Variants in KHDRBS2 observed in about 807,000 individuals in gnomAD.
KHDRBS2 encodes KH domain-containing, RNA-binding, signal transduction-associated protein 2.
KHDRBS2 carries 26 observed loss-of-function variants against 44.3 expected under a neutral mutation model. That is an observed-to-expected ratio of 0.59 (90% CI 0.43 to 0.81). KHDRBS2 has a LOEUF of 0.81. Among genes scored for constraint, KHDRBS2 ranks in the 40% least tolerant of loss-of-function variants. The pLI is 0.00. For synonymous variants in KHDRBS2, 194 were observed against 151.1 expected, an observed-to-expected ratio of 1.28 and a Z score of -2.08; for missense variants, 476 against 433.1, an observed-to-expected ratio of 1.10 and a Z score of -0.88.
intron 6 of KHDRBS2, among the ~76,000 whole-genome samples, chr6:61,873,866 G>A (rs915531473): frequency 6.6e-6 from 1 of 151,900 alleles, no homozygotes; most frequent in African/African-American, 2.4e-5. Context: ...GAAAAGCAAG[G>A]TGAGAATTAA....
At chr6:61,747,274 A>G (rs1226557223) in intron 6 of KHDRBS2, among the ~76,000 whole-genome samples, 2 of 152,166 alleles carry the variant, frequency 1.3e-5, no homozygotes, top group African/African-American at 2.4e-5. Flanking sequence ...GAATCAGGAA[A>G]ACCAAAACAA....
At chr6:62,265,766 A>T (rs1464475591) in intron 1 of KHDRBS2, among the ~76,000 whole-genome samples, 3 of 152,034 alleles carry the variant, frequency 2.0e-5, no homozygotes, top group Non-Finnish European at 4.4e-5. Flanking sequence ...ATGGAAAGGC[A>T]GAACATGGCA....
At chr6:62,109,014 G>A (rs1236075343) in intron 2 of KHDRBS2, among the ~76,000 whole-genome samples, 1 of 151,752 alleles carries the variant, frequency 6.6e-6, no homozygotes, top group East Asian at 1.9e-4. Flanking sequence ...GAGTTAATGG[G>A]TGCAGCACAC....
chr6:61,628,136 A>G, the KHDRBS2 span, among the ~76,000 whole-genome samples: 1 of 149,552 alleles, frequency 6.7e-6, no homozygotes, highest in Non-Finnish European at 1.5e-5. Flanking sequence ...ATTGTCAGCC[A>G]TGCAGTCTAA....
chr6:61,719,182 A>G (rs1211985553), intron 7 of KHDRBS2, among the ~76,000 whole-genome samples: 1 of 152,156 alleles, frequency 6.6e-6, no homozygotes, highest in African/African-American at 2.4e-5. Context: ...CTACAGTTAA[A>G]ATTTTACATT....
intron 7 of KHDRBS2, among the ~76,000 whole-genome samples, chr6:61,702,080 T>C (rs2127546235): frequency 6.6e-6 from 1 of 151,942 alleles, no homozygotes; most frequent in East Asian, 1.9e-4. Flanking sequence ...AGATAATCAC[T>C]CACATGTGGA....
chr6:62,177,195 T>C lies in KHDRBS2; in HGVS notation c.209A>G (p.Gln70Arg). The change falls in exon 2 of 9, where the codon CAG (glutamine) becomes CGG (arginine). Residue 70 changes from glutamine to arginine, a missense_variant. Gln to Arg is a conservative substitution (Grantham distance 43). Transcript: ENST00000281156. ...TATATATGGTAGTACCTTTGGATAC[T>C]GCTTGACAGGAATCAGTACTCTTTC... is the stretch of plus-strand genomic sequence containing the variant. Reference protein sequence around the residue: ...LSERVLIPVKQYPKFNFVGKL... With the variant: ...LSERVLIPVKRYPKFNFVGKL... 1 of 1,574,076 alleles carries C rather than the reference T, an allele frequency of 6.4e-7. No individual in the cohort carries two copies. The highest frequency in any genetic ancestry group is 1.1e-5 in the South Asian group (1 of 89,264).
chr6:61,701,027 AG>A (rs1768568416), intron 7 of KHDRBS2, among the ~76,000 whole-genome samples: 1 of 151,924 alleles, frequency 6.6e-6, no homozygotes, highest in African/African-American at 2.4e-5. Flanking sequence ...CCCAAACTAT[AG>A]GGCATTATCT....
chr6:61,617,476 C>G, the KHDRBS2 span, among the ~76,000 whole-genome samples: 1 of 152,080 alleles, frequency 6.6e-6, no homozygotes, highest in African/African-American at 2.4e-5. Flanking sequence ...TTTGTTGCAG[C>G]AGTGCTTTAT....
At chr6:62,058,231 T>C (rs562253253) in intron 2 of KHDRBS2, among the ~76,000 whole-genome samples, 1 of 152,008 alleles carries the variant, frequency 6.6e-6, no homozygotes, top group Admixed American at 6.6e-5. Flanking sequence ...TGTTGCTCAC[T>C]GGCATCACCT....
chr6:62,072,723 T>A (rs1414222349), intron 2 of KHDRBS2, among the ~76,000 whole-genome samples: 2 of 152,198 alleles, frequency 1.3e-5, no homozygotes, highest in African/African-American at 4.8e-5. Context: ...CTTTTTGATG[T>A]GCTGCTGGAT....
At chr6:61,578,562 A>G in the KHDRBS2 span, among the ~76,000 whole-genome samples, 3 of 152,194 alleles carry the variant, frequency 2.0e-5, no homozygotes, top group Non-Finnish European at 4.4e-5. Context: ...GTTCATCTTA[A>G]AGTGCTTTTA....
At chr6:62,154,858 TA>T (rs1308323137) in intron 2 of KHDRBS2, among the ~76,000 whole-genome samples, 3 of 152,174 alleles carry the variant, frequency 2.0e-5, no homozygotes, top group Non-Finnish European at 2.9e-5. Context: ...CCAAAACAGG[TA>T]AGTGACTAAT....
At chr6:61,575,447 C>T in the KHDRBS2 span, among the ~76,000 whole-genome samples, 1 of 152,092 alleles carries the variant, frequency 6.6e-6, no homozygotes, top group Non-Finnish European at 1.5e-5. Context: ...ATTTAAAAAT[C>T]AAAAACTAAT....
chr6:61,667,762 T>C, the KHDRBS2 span, among the ~76,000 whole-genome samples: 1 of 151,316 alleles, frequency 6.6e-6, no homozygotes, highest in African/African-American at 2.4e-5. Flanking sequence ...TGAACCTACT[T>C]CATTTAGTCA....
At chr6:62,253,653 A>G (rs571612882) in intron 1 of KHDRBS2, among the ~76,000 whole-genome samples, 1 of 152,170 alleles carries the variant, frequency 6.6e-6, no homozygotes, top group African/African-American at 2.4e-5. Context: ...AAGAGGAAGA[A>G]GAAATTCCTA....
chr6:61,894,016 A>C (rs1704268056), intron 6 of KHDRBS2, among the ~76,000 whole-genome samples: 1 of 152,188 alleles, frequency 6.6e-6, no homozygotes, highest in South Asian at 2.1e-4. Context: ...CAATGTAATT[A>C]GTGGAATACT....
chr6:61,592,659 T>C, the KHDRBS2 span, among the ~76,000 whole-genome samples: 43 of 152,340 alleles, frequency 2.8e-4, no homozygotes, highest in African/African-American at 9.9e-4. Flanking sequence ...CAAAGAAGTA[T>C]ATTTTAGGGT....
At chr6:61,935,767 A>C (rs994283915) in intron 4 of KHDRBS2, among the ~76,000 whole-genome samples, 3 of 152,126 alleles carry the variant, frequency 2.0e-5, no homozygotes, top group African/African-American at 7.2e-5. Context: ...AAATAGTAAG[A>C]TAAAACCCAT....
Sources: gnomAD v4.1 joint callset for allele counts (sites outside exome capture counted in the v4.1 genomes callset) on GRCh38, gnomAD v4.1.1 for gene constraint, MANE v1.5 for transcripts, NCBI Gene and HGNC (gene_info 2026-07-23, HGNC 2026-07-21) for gene names.